VASP: variants seen among roughly 807,000 people sequenced by gnomAD.
VASP encodes the protein vasodilator-stimulated phosphoprotein.
Under a neutral mutation model 54.4 loss-of-function variants are expected in VASP, and 27 were observed. The observed-to-expected ratio is 0.50, with a 90% confidence interval of 0.37 to 0.68. VASP has a LOEUF of 0.68. Among genes scored for constraint, VASP ranks in the 30% least tolerant of loss-of-function variants. The pLI is 0.00. For synonymous variants in VASP, 233 were observed against 209.8 expected, an observed-to-expected ratio of 1.11 and a Z score of -0.96; for missense variants, 488 against 528.3, an observed-to-expected ratio of 0.92 and a Z score of 0.75.
rs1253828693 is a variant in VASP, at chr19:45,518,089, T to C, written c.338T>C (p.Leu113Ser). ...AAGMASALEA[L>S]EGGGPPPPPA... ...GGCATGGCCAGTGCCCTAGAGGCGT[T>C]GGAAGGTCAGAAATGGCGGCGGGCA... The change falls in exon 3 of 13, where the codon TTG (leucine) becomes TCG (serine). Residue 113 changes from leucine to serine, a missense_variant. By Grantham distance (145) the Leu-to-Ser change is moderately radical. Coordinates refer to ENST00000245932, the MANE Select transcript of VASP (RefSeq NM_003370.4). 1 of 1,612,914 alleles carries C rather than the reference T, an allele frequency of 6.2e-7. No homozygotes were observed. The highest frequency in any genetic ancestry group is 8.5e-7 in the Non-Finnish European group (1 of 1,179,640).
Position 45,526,326 on chromosome 19 carries a change from G to C in VASP, c.*149G>C. The C allele has an allele frequency of 1.0e-6, 1 of 1,001,780 alleles. No homozygotes were observed. The highest frequency in any genetic ancestry group is 1.4e-6 in the Non-Finnish European group (1 of 715,816). The allele number at this position is 1,001,780 out of a possible 1,614,324, so 62.1% of individuals were successfully genotyped here. On this transcript the variant is annotated 3_prime_UTR_variant, in exon 13 of 13. Coordinates refer to ENST00000245932, the MANE Select transcript of VASP (RefSeq NM_003370.4). ...CATCCCACTTGGAAAACTCCAAGGGGGTGTGGCTTCCCTGCTCACACCCAC... is the reference window on the plus strand; with the variant it reads ...CATCCCACTTGGAAAACTCCAAGGGCGTGTGGCTTCCCTGCTCACACCCAC...
chr19:45,508,664 C>T (rs1968539932), intron 1 of VASP, among the ~76,000 whole-genome samples: 1 of 152,314 alleles, frequency 6.6e-6, no homozygotes, highest in East Asian at 1.9e-4. Flanking sequence ...CACCACGGCC[C>T]CTCCCCCTTT....
intron 11 of VASP, chr19:45,525,040 T>C (rs1568391350): frequency 4.8e-6 from 1 of 209,566 alleles, no homozygotes. Context: ...CCAGTCACTC[T>C]GCGACCTTGA....
In VASP at chr19:45,518,004, G is replaced by C; in HGVS notation, c.253G>C (p.Ala85Pro). The part of the protein sequence containing the change: ...ATPNFHQWRD[A>P]RQVWGLNFGS... The stretch of plus-strand genomic sequence containing the variant: ...CCCCAACTTCCATCAGTGGCGCGAC[G>C]CTCGCCAGGTCTGGGGCCTCAACTT... Residue 85 changes from alanine to proline, a missense_variant, in exon 3 of 13, where the codon GCT (alanine) becomes CCT (proline). This residue lies in a region of VASP where 127 missense variants were observed against 170.7 expected (regional missense o/e 0.74). Coordinates refer to ENST00000245932, the MANE Select transcript of VASP (RefSeq NM_003370.4). 1.2e-6 allele frequency: 2 copies of C among 1,613,844 alleles called. No homozygotes were observed. Among genetic ancestry groups the C allele is most frequent in the Non-Finnish European group, 8.5e-7 (1 of 1,179,950 alleles).
chr19:45,510,883 T>A (rs1968587591), intron 1 of VASP, among the ~76,000 whole-genome samples: 1 of 147,648 alleles, frequency 6.8e-6, no homozygotes, highest in African/African-American at 2.5e-5. Flanking sequence ...CAATGAGTCA[T>A]ATTCTTGCCA....
chr19:45,508,893 A>T (rs906835475), intron 1 of VASP, among the ~76,000 whole-genome samples: 1 of 152,172 alleles, frequency 6.6e-6, no homozygotes, highest in African/African-American at 2.4e-5. Context: ...GGGCGGGGCC[A>T]GTGTGGGCAG....
At position 45,509,504 on chromosome 19, in the gene VASP, G is replaced by A. The variant is rs547971059; in HGVS notation, c.5+1728G>A. Among the ~76,000 whole-genome samples the A allele has an allele frequency of 2.2e-5, 3 of 137,178 alleles. No homozygotes were observed. The South Asian group carries it at 7.1e-4, about 33-fold the overall frequency. The allele number at this position is 137,178 out of a possible 152,430, so 90.0% of individuals were successfully genotyped here. A position where few individuals can be genotyped will look rare whatever the true frequency, so the allele number is the denominator to read the frequency against. On this transcript the variant is annotated intron_variant, in intron 1 of 12. Coordinates refer to ENST00000245932, the MANE Select transcript of VASP (RefSeq NM_003370.4). ...AAGGGCAGGAGCGGTGTCTGGGCCG[G>A]CCCCCTGTCCTCCCCACCACCACCA...
intron 4 of VASP, among the ~76,000 whole-genome samples, chr19:45,521,814 G>A (rs952563983): frequency 2.6e-5 from 4 of 151,992 alleles, no homozygotes; most frequent in African/African-American, 4.8e-5. Context: ...GCTTGAACCC[G>A]GGAGGCAGAG....
chr19:45,521,790 G>A (rs1968840239), intron 4 of VASP, among the ~76,000 whole-genome samples: 2 of 152,054 alleles, frequency 1.3e-5, no homozygotes, highest in Admixed American at 1.3e-4. Context: ...TCGGCAGGCC[G>A]AGGCAGGAGA....
At chr19:45,519,418 A>G (rs1343203841) in intron 3 of VASP, among the ~76,000 whole-genome samples, 1 of 151,910 alleles carries the variant, frequency 6.6e-6, no homozygotes, top group Non-Finnish European at 1.5e-5. Flanking sequence ...TGCTGGGATT[A>G]TAAGTGTGAG....
At chr19:45,518,239 G>A in intron 3 of VASP, 145 bp downstream of exon 3, 1 of 1,260,594 alleles carries the variant, frequency 7.9e-7, no homozygotes, top group African/African-American at 1.5e-5. Context: ...CTAGCATTTT[G>A]TGCATTCCAG....
chr19:45,523,563 G>C, intron 7 of VASP, 81 bp from the exon 8 acceptor site: 1 of 1,512,614 alleles, frequency 6.6e-7, no homozygotes, highest in African/African-American at 1.4e-5. Flanking sequence ...CTATGCGCTA[G>C]GATCTACATT....
chr19:45,516,129 A>G (rs1161574752), intron 1 of VASP, among the ~76,000 whole-genome samples: 1 of 152,010 alleles, frequency 6.6e-6, no homozygotes, highest in Non-Finnish European at 1.5e-5. Flanking sequence ...CCTTCAGGGT[A>G]CCCCCAGACC....
Position 45,507,911 on chromosome 19 carries a change from C to T in VASP, c.5+135C>T, listed in dbSNP as rs547701726. 3.7e-6 allele frequency: 2 copies of T among 535,240 alleles called. No homozygotes were observed. The highest frequency in any genetic ancestry group is 3.6e-5 in the East Asian group (1 of 27,432). 33.2% of individuals were successfully genotyped at this position (535,240 alleles called of 1,614,324 possible). A position where few individuals can be genotyped will look rare whatever the true frequency, so the allele number is the denominator to read the frequency against. The stretch of plus-strand genomic sequence containing the variant: ...TGGGAGCCTCGGATTTGAGCTGAAT[C>T]CCCTTGGACGCGCCCCAGAACCGTC... On this transcript the variant is annotated intron_variant, in intron 1 of 12. Transcript: ENST00000245932. The surrounding 1 kb of genome is among the most constrained non-coding windows in gnomAD (Gnocchi z 4.4).
At chr19:45,524,439 TGG>T in intron 10 of VASP, 129 bp from the exon 11 acceptor site, 1 of 854,598 alleles carries the variant, frequency 1.2e-6, no homozygotes, top group Non-Finnish European at 1.8e-6. Context: ...AAAAAAAAAC[TGG>T]GGCCCCAAAA....
chr19:45,522,223 G>T lies in VASP; in HGVS notation c.478+6G>T, dbSNP rs372139948. On this transcript the variant is annotated splice_donor_region_variant and intron_variant, in intron 5 of 12. Coordinates refer to ENST00000245932, the MANE Select transcript of VASP (RefSeq NM_003370.4). ...GCGCCGGGTCTCCAATGCAGGTGATGCTCAGATAGCTTCGGGAGTTGGGAG... is the reference window on the plus strand; with the variant it reads ...GCGCCGGGTCTCCAATGCAGGTGATTCTCAGATAGCTTCGGGAGTTGGGAG... 7.9e-5 allele frequency: 128 copies of T among 1,614,110 alleles called. No individual in the cohort carries two copies. Among genetic ancestry groups the T allele is most frequent in the Non-Finnish European group, 1.1e-4 (126 of 1,180,042 alleles).
Position 45,507,801 on chromosome 19 carries a change from C to CGTCCCCGCCCGGGCGGG in VASP, c.5+26_5+42dup. The CGTCCCCGCCCGGGCGGG allele has an allele frequency of 7.2e-7, 1 of 1,383,356 alleles. No homozygotes were observed. Among genetic ancestry groups the CGTCCCCGCCCGGGCGGG allele is most frequent in the South Asian group, 1.6e-5 (1 of 62,696 alleles). The allele number at this position is 1,383,356 out of a possible 1,614,324, so 85.7% of individuals were successfully genotyped here. A position where few individuals can be genotyped will look rare whatever the true frequency, so the allele number is the denominator to read the frequency against. On this transcript the variant is annotated intron_variant, in intron 1 of 12. Transcript: ENST00000245932. This position sits in a 1 kb window ranked among gnomAD's most constrained non-coding sequence, Gnocchi z 4.4. ...GGTGAGCCGGACCTGCCCCCCGACC[C>CGTCCCCGCCCGGGCGGG]GTCCCCGCCCGGGCGGGCTCCGCGC...
At chr19:45,519,694 A>C (rs1968785310) in intron 3 of VASP, among the ~76,000 whole-genome samples, 1 of 147,566 alleles carries the variant, frequency 6.8e-6, no homozygotes, top group South Asian at 2.1e-4. Flanking sequence ...CTCCCGGGTA[A>C]ATGCCATTCT....
chr19:45,520,357 T>C, intron 3 of VASP, among the ~76,000 whole-genome samples: 1 of 151,940 alleles, frequency 6.6e-6, no homozygotes, highest in African/African-American at 2.4e-5. Context: ...CGTGACTGAG[T>C]AGTGAGGTTT....
Sources: allele counts gnomAD v4.1 joint callset (sites outside exome capture counted in the v4.1 genomes callset), GRCh38; gene constraint gnomAD v4.1.1; regional missense constraint gnomAD v4.1.1; non-coding constraint Gnocchi (gnomAD v3.1); transcripts MANE v1.5; gene names NCBI Gene and HGNC (gene_info 2026-07-23, HGNC 2026-07-21).